Variants in SORL1 observed in about 807,000 individuals in gnomAD.
SORL1 encodes sortilin-related receptor.
In SORL1, 127 loss-of-function variants were observed where a neutral mutation model predicts 273.7. The observed-to-expected ratio is 0.46, with a 90% CI of 0.40 to 0.54. The LOEUF is 0.54. Ranked by LOEUF, SORL1 falls within the 20% of genes least tolerant of loss-of-function variation. The pLI is 0.00. For missense variants in SORL1, 2,494 were observed against 2,846.1 expected (o/e 0.88, Z 2.81); for synonymous variants, 1,031 against 1,067.4 (o/e 0.97, Z 0.66).
chr11:121,567,212 G>C (rs1182520680), intron 22 of SORL1, 99 bp downstream of exon 22: 2 of 1,051,602 alleles, frequency 1.9e-6, no homozygotes, highest in African/African-American at 1.6e-5. Context: ...TAACCTTTTC[G>C]TGTTATTGGA....
At chr11:121,559,147 G>A (rs1053567460) in intron 20 of SORL1, among the ~76,000 whole-genome samples, 143 of 152,234 alleles carry the variant, frequency 9.4e-4, no homozygotes, top group African/African-American at 3.3e-3. Flanking sequence ...TGTGCGCTTT[G>A]CTCACTTTAT....
chr11:121,589,752 G>A (rs1299094529), intron 29 of SORL1, among the ~76,000 whole-genome samples: 1 of 152,216 alleles, frequency 6.6e-6, no homozygotes, highest in African/African-American at 2.4e-5. Context: ...ATCAATAGTT[G>A]TTTTATTCCT....
chr11:121,594,664 C>A (rs1413768113), intron 31 of SORL1, among the ~76,000 whole-genome samples: 1 of 152,190 alleles, frequency 6.6e-6, no homozygotes, highest in Admixed American at 6.5e-5. Flanking sequence ...CTTGCAAAGC[C>A]TCTATTTCCT....
intron 28 of SORL1, 80 bp downstream of exon 28, chr11:121,588,231 C>G: frequency 6.5e-7 from 1 of 1,528,762 alleles, no homozygotes; most frequent in Non-Finnish European, 9.0e-7. Context: ...GGGGTTGTGT[C>G]TCTATTTAAT....
At chr11:121,461,984 A>G (rs529591447) in intron 1 of SORL1, among the ~76,000 whole-genome samples, 2 of 152,230 alleles carry the variant, frequency 1.3e-5, no homozygotes, top group Non-Finnish European at 2.9e-5. Context: ...AAAAATGGGG[A>G]AGATAAGAAT....
intron 6 of SORL1, among the ~76,000 whole-genome samples, chr11:121,502,121 A>ATTTTTTTTTTTTTTTTTTTTTTTT (rs1242828050): frequency 1.2e-5 from 1 of 82,392 alleles, no homozygotes. Context: ...TCATGTGACA[A>ATTTTTTTTTTTTTTTTTTTTTTTT]TTCTTTTTTT....
chr11:121,464,030 C>T (rs1861044794), intron 1 of SORL1, among the ~76,000 whole-genome samples: 1 of 152,170 alleles, frequency 6.6e-6, no homozygotes, highest in African/African-American at 2.4e-5. Context: ...AGTTGAAGGA[C>T]AGGATATTTG....
In SORL1 at chr11:121,532,500, C is replaced by T. The variant is rs753520507; in HGVS notation, c.1633C>T (p.His545Tyr). The T allele has an allele frequency of 2.5e-6, 4 of 1,614,060 alleles. No homozygotes were observed. Among genetic ancestry groups the T allele is most frequent in the Non-Finnish European group, 3.4e-6 (4 of 1,179,978 alleles). The change falls in exon 12 of 48, where the codon CAC becomes TAC. Residue 545 changes from histidine to tyrosine, a missense_variant. Around this residue, in one of 3 missense-constraint regions of SORL1, gnomAD observed 710 missense variants for 882.5 expected, o/e 0.80. Transcript: ENST00000260197. ...ACCTCACTACTACACATGGGGAGAC[C>T]ACGGCGGAATCATCACGGCCATTGC... ...PGPHYYTWGD[H>Y]GGIITAIAQG...
intron 12 of SORL1, among the ~76,000 whole-genome samples, chr11:121,533,211 T>G (rs1417041919): frequency 6.6e-6 from 1 of 152,054 alleles, no homozygotes; most frequent in African/African-American, 2.4e-5. Flanking sequence ...TGCATACAAC[T>G]TGATAGCCAT....
intron 12 of SORL1, among the ~76,000 whole-genome samples, chr11:121,534,972 A>G (rs1862247861): frequency 6.6e-6 from 1 of 152,222 alleles, no homozygotes; most frequent in South Asian, 2.1e-4. Context: ...TGAATTCTGC[A>G]ACTCGTTAGT....
At chr11:121,453,733 A>T (rs1860853355) in intron 1 of SORL1, among the ~76,000 whole-genome samples, 1 of 152,104 alleles carries the variant, frequency 6.6e-6, no homozygotes, top group Admixed American at 6.5e-5. Flanking sequence ...ATATCACCCT[A>T]TTGTGTCATT....
chr11:121,452,764 A>G lies in SORL1; in HGVS notation c.285+148A>G, dbSNP rs375165937. 4.8e-4 allele frequency: 299 copies of G among 627,204 alleles called. 3 individuals are homozygous for G. The South Asian group carries it at 7.6e-3, about 16-fold the overall frequency. The allele number at this position is 627,204 out of a possible 1,614,324, so 38.9% of individuals were successfully genotyped here. A position where few individuals can be genotyped will look rare whatever the true frequency, so the allele number is the denominator to read the frequency against. ...ATTTGTTTTTTTCCTTCACGAGTAC[A>G]ACCGTCAGCACTTGAATCGCATTGA... On this transcript the variant is annotated intron_variant, in intron 1 of 47. Coordinates refer to ENST00000260197, the MANE Select transcript of SORL1 (RefSeq NM_003105.6). The surrounding 1 kb of genome is among the most constrained non-coding windows in gnomAD (Gnocchi z 5.3).
rs1465125795 is a variant in SORL1 at position 121,606,885 on chromosome 11, G to A, written c.4989G>A (p.Arg1663=). Residue 1663 remains arginine, a synonymous_variant, in exon 36 of 48, where the codon AGG becomes AGA. Coordinates refer to ENST00000260197, the MANE Select transcript of SORL1 (RefSeq NM_003105.6). ...GAAATCTCCAGCTGTCACTCCCCAG[G>A]GAAGCAGAAGGTGTGATTGTAGGCC... ...APRNLQLSLP[R]EAEGVIVGHW... is the part of the protein sequence containing the mutation. The A allele has an allele frequency of 6.2e-7, 1 of 1,614,028 alleles. No individual in the cohort carries two copies. The highest frequency in any genetic ancestry group is 1.1e-5 in the South Asian group (1 of 91,084).
intron 8 of SORL1, among the ~76,000 whole-genome samples, chr11:121,519,497 C>T (rs959011523): frequency 2.0e-5 from 3 of 151,962 alleles, no homozygotes; most frequent in Non-Finnish European, 2.9e-5. Context: ...CTGCAAGCTC[C>T]GCGTCCCGGG....
intron 9 of SORL1, 36 bp downstream of exon 9, chr11:121,520,885 TAAAGG>T (rs1262466654): frequency 2.0e-6 from 3 of 1,467,590 alleles, no homozygotes; most frequent in Non-Finnish European, 9.2e-7. Context: ...CTTTTTAATA[TAAAGG>T]AAAGAGCCCT....
In SORL1 at chr11:121,590,068, C is replaced by G; in HGVS notation, c.4107C>G (p.Ser1369=). 1 of 1,614,130 alleles carries G rather than the reference C, an allele frequency of 6.2e-7. No homozygotes were observed. The highest frequency in any genetic ancestry group is 8.5e-7 in the Non-Finnish European group (1 of 1,180,012). The stretch of plus-strand genomic sequence containing the variant: ...ACCCCACAGAAGCCCCAAACTGCTC[C>G]CGCTACTTCCAGTTTCGGTGTGAGA... The part of the protein sequence containing the change: ...CENPTEAPNC[S]RYFQFRCENG... The change falls in exon 30 of 48, where the codon TCC becomes TCG. Residue 1369 remains serine (S), a synonymous_variant. Coordinates refer to ENST00000260197, the MANE Select transcript of SORL1 (RefSeq NM_003105.6).
chr11:121,551,367 C>A (rs1038454858), intron 16 of SORL1, among the ~76,000 whole-genome samples: 2 of 152,178 alleles, frequency 1.3e-5, no homozygotes, highest in African/African-American at 4.8e-5. Flanking sequence ...TTAAGAAAAA[C>A]TTCTCTGAAA....
rs180765953 is a variant in SORL1, at chr11:121,496,701, C to T, written c.759-168C>T. Among the ~76,000 whole-genome samples the T allele has an allele frequency of 2.2e-3, 332 of 152,286 alleles. 3 individuals carry two copies. The highest frequency in any genetic ancestry group is 0.015 in the Admixed American group (232 of 15,302). Reference sequence around the variant, plus strand: ...GCAAATGGCAATTTGTCCCCTCTATCCTGAGTCAAGGAGTAACCAAAGGGA... The same window carrying T: ...GCAAATGGCAATTTGTCCCCTCTATTCTGAGTCAAGGAGTAACCAAAGGGA... On this transcript the variant is annotated intron_variant, in intron 5 of 47. Transcript: ENST00000260197.
At chr11:121,619,707 A>G in intron 42 of SORL1, 46 bp from the exon 43 acceptor site, 1 of 1,429,522 alleles carries the variant, frequency 7.0e-7, no homozygotes, top group Non-Finnish European at 9.7e-7. Flanking sequence ...AAGATTGCAT[A>G]AGGCCATGAT....
Sources: allele counts gnomAD v4.1 joint callset (sites outside exome capture counted in the v4.1 genomes callset), GRCh38; gene constraint gnomAD v4.1.1; regional missense constraint gnomAD v4.1.1; non-coding constraint Gnocchi (gnomAD v3.1); transcripts MANE v1.5; gene names NCBI Gene and HGNC (gene_info 2026-07-23, HGNC 2026-07-21).